Variants in DCDC1 observed in about 807,000 individuals in gnomAD.
The protein encoded by DCDC1 is doublecortin domain-containing protein 1.
In DCDC1, 200 loss-of-function variants were observed where a neutral mutation model predicts 178.3. The ratio of observed to expected loss-of-function variants is 1.12; its 90% confidence interval spans 1.00 to 1.26. The LOEUF (loss-of-function observed/expected upper bound fraction) is 1.26. DCDC1 is among the 50% of genes most tolerant of loss of function. The pLI is 0.00. For missense variants in DCDC1, 1,983 were observed against 1,749.2 expected, an observed-to-expected ratio of 1.13 and a Z score of -2.38; for synonymous variants, 690 against 604.8, an observed-to-expected ratio of 1.14 and a Z score of -2.07.
intron 17 of DCDC1, among the ~76,000 whole-genome samples, chr11:31,088,428 T>C (rs1957604989): frequency 6.6e-6 from 1 of 152,146 alleles, no homozygotes; most frequent in South Asian, 2.1e-4. Context: ...TAATATTTCA[T>C]TTTATTTACT....
At chr11:31,203,532 C>T (rs1329020501) in intron 9 of DCDC1, among the ~76,000 whole-genome samples, 1 of 152,086 alleles carries the variant, frequency 6.6e-6, no homozygotes, top group Non-Finnish European at 1.5e-5. Context: ...CATCTTGGGA[C>T]CTAGCCTAGG....
chr11:30,897,446 G>A (rs1184031866), intron 34 of DCDC1, among the ~76,000 whole-genome samples: 5 of 151,878 alleles, frequency 3.3e-5, no homozygotes, highest in African/African-American at 1.2e-4. Context: ...AAAATTAGCC[G>A]GGCTTGGGTG....
At chr11:31,279,258 G>A (rs1186369501) in intron 7 of DCDC1, among the ~76,000 whole-genome samples, 2 of 152,038 alleles carry the variant, frequency 1.3e-5, no homozygotes, top group African/African-American at 2.4e-5. Flanking sequence ...GTGTGTGTGT[G>A]TGTGTATATC....
chr11:30,960,910 A>T (rs1162204548), intron 20 of DCDC1, among the ~76,000 whole-genome samples: 1 of 152,120 alleles, frequency 6.6e-6, no homozygotes, highest in Non-Finnish European at 1.5e-5. Context: ...ATGAGTATCT[A>T]CTTCCATGGA....
intron 21 of DCDC1, chr11:30,943,511 A>G: frequency 2.8e-6 from 1 of 358,214 alleles, no homozygotes; most frequent in South Asian, 2.2e-5. Context: ...TCATTCCAAA[A>G]TCGTACATCT....
intron 2 of DCDC1, among the ~76,000 whole-genome samples, chr11:31,332,650 C>T (rs1387489844): frequency 1.3e-5 from 2 of 152,180 alleles, no homozygotes; most frequent in Admixed American, 1.3e-4. Flanking sequence ...AGTAGTCATT[C>T]AAGAGCAGGT....
intron 9 of DCDC1, among the ~76,000 whole-genome samples, chr11:31,211,447 C>T (rs563216425): frequency 7.0e-4 from 106 of 152,292 alleles, no homozygotes; most frequent in Middle Eastern, 3.4e-3. Context: ...TTTGCACTAT[C>T]GCCCCATCCC....
At chr11:31,323,275 A>T (rs1474713486) in intron 3 of DCDC1, among the ~76,000 whole-genome samples, 5 of 152,232 alleles carry the variant, frequency 3.3e-5, no homozygotes. Context: ...AAGTTATCAC[A>T]CAATTTGGAT....
At chr11:31,334,556 T>A (rs565471585) in intron 2 of DCDC1, among the ~76,000 whole-genome samples, 1 of 152,154 alleles carries the variant, frequency 6.6e-6, no homozygotes, top group Non-Finnish European at 1.5e-5. Flanking sequence ...GACCTACAGA[T>A]GGGGTTTTGG....
At chr11:31,197,641 T>C (rs1017717123) in intron 9 of DCDC1, among the ~76,000 whole-genome samples, 25 of 152,108 alleles carry the variant, frequency 1.6e-4, no homozygotes, top group African/African-American at 5.5e-4. Context: ...TCCTTCTTAA[T>C]GTCTGCCATC....
At chr11:31,047,031 C>T (rs1202216100) in intron 20 of DCDC1, among the ~76,000 whole-genome samples, 1 of 152,106 alleles carries the variant, frequency 6.6e-6, no homozygotes, top group Admixed American at 6.5e-5. Context: ...AAACACACAG[C>T]CATCCATTCT....
chr11:31,175,514 G>A (rs1011926508), intron 9 of DCDC1, among the ~76,000 whole-genome samples: 21 of 152,246 alleles, frequency 1.4e-4, no homozygotes, highest in African/African-American at 2.2e-4. Flanking sequence ...ACATGTGTTC[G>A]TACTCGACCC....
chr11:31,314,205 A>T (rs1378555684), intron 3 of DCDC1, among the ~76,000 whole-genome samples: 2 of 152,180 alleles, frequency 1.3e-5, no homozygotes, highest in Non-Finnish European at 2.9e-5. Flanking sequence ...TCATTGCATT[A>T]TTTAATCTTT....
chr11:31,307,538 C>T, intron 4 of DCDC1, 101 bp downstream of exon 4: 1 of 1,452,360 alleles, frequency 6.9e-7, no homozygotes, highest in Middle Eastern at 1.8e-4. Context: ...AGATGTGTTA[C>T]ATTTTAATGT....
chr11:31,333,643 A>G (rs1402695925), intron 2 of DCDC1, among the ~76,000 whole-genome samples: 1 of 152,152 alleles, frequency 6.6e-6, no homozygotes, highest in Non-Finnish European at 1.5e-5. Context: ...TATGAAGCTT[A>G]GTTTGGCTGG....
intron 36 of DCDC1, among the ~76,000 whole-genome samples, chr11:30,888,060 A>AAGAAAGAAAGAG (rs756638479): frequency 2.6e-4 from 19 of 73,472 alleles, no homozygotes; most frequent in African/African-American, 1.2e-3. Context: ...GAAAGAAAGA[A>AAGAAAGAAAGAG]AGAGAGAGAG....
intron 7 of DCDC1, among the ~76,000 whole-genome samples, chr11:31,281,575 C>T (rs1396507513): frequency 1.3e-5 from 2 of 151,996 alleles, no homozygotes; most frequent in Non-Finnish European, 2.9e-5. Flanking sequence ...GTTAAACCAA[C>T]TGATATGGTT....
chr11:31,208,044 A>G (rs1972074436), intron 9 of DCDC1, among the ~76,000 whole-genome samples: 1 of 152,154 alleles, frequency 6.6e-6, no homozygotes, highest in Admixed American at 6.5e-5. Context: ...TGGACATTGC[A>G]GAGTCTCAAG....
intron 21 of DCDC1, among the ~76,000 whole-genome samples, chr11:30,950,269 T>C (rs1194350176): frequency 6.6e-6 from 1 of 152,280 alleles, no homozygotes; most frequent in Non-Finnish European, 1.5e-5. Context: ...AGTACAGCCA[T>C]TATGGAGAAC....
Sources: gnomAD v4.1 joint callset for allele counts (sites outside exome capture counted in the v4.1 genomes callset) on GRCh38, gnomAD v4.1.1 for gene constraint, MANE v1.5 for transcripts, NCBI Gene and HGNC (gene_info 2026-07-23, HGNC 2026-07-21) for gene names.